The following XIRP2 variants were observed in gnomAD, a reference collection of about 807,000 sequenced individuals.
XIRP2 encodes xin actin binding repeat containing 2, also known as xin actin-binding repeat-containing protein 2.
In XIRP2, 236 loss-of-function variants were observed where a neutral mutation model predicts 277.0. The observed-to-expected ratio is 0.85, with a 90% CI of 0.77 to 0.95. XIRP2 has a LOEUF of 0.95. Ranked by LOEUF, XIRP2 falls within the 40% of genes least tolerant of loss-of-function variation. The pLI is 0.00. For synonymous variants in XIRP2, 1,490 were observed against 1,416.5 expected (o/e 1.05, Z -1.17); for missense variants, 4,640 against 4,157.5 (o/e 1.12, Z -3.19).
At chr2:167,175,266 G>A (rs2390547) in intron 3 of XIRP2, among the ~76,000 whole-genome samples, 14,995 of 152,106 alleles carry the variant, frequency 0.099, 785 homozygotes, top group South Asian at 0.15. Flanking sequence ...TTGGGTGCAT[G>A]TATATTTAGG....
At chr2:166,949,777 T>C (rs1685978887) in intron 2 of XIRP2, among the ~76,000 whole-genome samples, 2 of 152,080 alleles carry the variant, frequency 1.3e-5, no homozygotes, top group African/African-American at 2.4e-5. Context: ...CCAGAACCAA[T>C]GCATTAACAT....
At chr2:166,951,906 G>A (rs1029274371) in intron 2 of XIRP2, among the ~76,000 whole-genome samples, 6 of 152,002 alleles carry the variant, frequency 3.9e-5, no homozygotes, top group Non-Finnish European at 8.8e-5. Flanking sequence ...GAGCCTCTGC[G>A]TCTCCTATGA....
intron 2 of XIRP2, among the ~76,000 whole-genome samples, chr2:167,025,647 A>G (rs1688130522): frequency 6.6e-6 from 1 of 151,984 alleles, no homozygotes; most frequent in East Asian, 1.9e-4. Context: ...AGATTCTGGT[A>G]TGTTGTGTCT....
At chr2:167,135,868 T>A (rs771835672) in intron 2 of XIRP2, 41 bp from the exon 3 acceptor site, 43 of 1,515,496 alleles carry the variant, frequency 2.8e-5, no homozygotes, top group Non-Finnish European at 3.4e-5. Context: ...TGTTTCCTAC[T>A]GATAGCTTTT....
rs760551633 is a variant in XIRP2, at chr2:167,243,803, G to A, written c.2411G>A (p.Gly804Glu). 1.2e-6 allele frequency: 2 copies of A among 1,613,974 alleles called. No homozygotes were observed. The highest frequency in any genetic ancestry group is 1.7e-6 in the Non-Finnish European group (2 of 1,179,952). ...TCCATGGAAGAAAATGTCAAAGGTG[G>A]GGTGAGTAAGGCAAAGTGGTTATTT... ...GISMEENVKGGVSKAKWLFET... is the reference protein window; with the variant it reads ...GISMEENVKGEVSKAKWLFET... Residue 804 changes from glycine to glutamate, a missense_variant, in exon 9 of 11, where the codon GGG (glycine) becomes GAG (glutamate). Coordinates refer to ENST00000409195, the MANE Select transcript of XIRP2 (RefSeq NM_152381.6).
rs763359274 is a variant in XIRP2 at position 167,251,949 on chromosome 2, T to C, written c.10555+2T>C. On this transcript the variant is annotated splice_donor_variant, in intron 9 of 10. Coordinates refer to ENST00000409195, the MANE Select transcript of XIRP2 (RefSeq NM_152381.6). LOFTEE classifies it high-confidence loss of function. ...AAGAGGAATCTGCATTTATAAGTGG[T>C]AAATGAGCTTGCAATGTGTTAAAGA... 5.1e-5 allele frequency: 78 copies of C among 1,539,450 alleles called. No homozygotes were observed. Among genetic ancestry groups the C allele is most frequent in the Non-Finnish European group, 6.2e-5 (71 of 1,150,688 alleles).
At chr2:167,233,835 T>C (rs1694826023) in intron 5 of XIRP2, among the ~76,000 whole-genome samples, 1 of 151,808 alleles carries the variant, frequency 6.6e-6, no homozygotes, top group Non-Finnish European at 1.5e-5. Context: ...TTTGTGTCTA[T>C]GTTGGATTGA....
At chr2:167,163,137 C>T (rs1054799630) in intron 3 of XIRP2, among the ~76,000 whole-genome samples, 3 of 152,162 alleles carry the variant, frequency 2.0e-5, no homozygotes, top group Non-Finnish European at 4.4e-5. Context: ...TTGCTGTAAA[C>T]CATCTTGCAC....
chr2:167,101,633 C>T (rs532498131), intron 2 of XIRP2, among the ~76,000 whole-genome samples: 2 of 152,286 alleles, frequency 1.3e-5, no homozygotes, highest in East Asian at 3.9e-4. Context: ...ATCCAGGTTG[C>T]TGCAAGTGCC....
rs369486374 is a variant in XIRP2 at position 167,243,983 on chromosome 2, G to C, written c.2591G>C (p.Arg864Pro). The C allele has an allele frequency of 1.9e-6, 3 of 1,613,862 alleles. No homozygotes were observed. In the African/African-American group the frequency reaches 4.0e-5, roughly 22 times the overall value. Residue 864 changes from arginine to proline, a missense_variant, in exon 9 of 11, where the codon CGT (arginine) becomes CCT (proline). By Grantham distance (103) the Arg-to-Pro change is moderately radical (BLOSUM62 -2). Transcript: ENST00000409195. ...KEVPDADSLQ[R>P]EEIIGGDVQT... The stretch of plus-strand genomic sequence containing the variant: ...GTTCCTGATGCAGATTCTCTACAAC[G>C]TGAGGAGATAATAGGTGGTGATGTA...
intron 2 of XIRP2, among the ~76,000 whole-genome samples, chr2:166,942,323 G>A (rs535280562): frequency 1.1e-4 from 16 of 152,248 alleles, no homozygotes; most frequent in Admixed American, 2.0e-4. Context: ...CAAAGACATC[G>A]TAATAATATT....
intron 2 of XIRP2, among the ~76,000 whole-genome samples, chr2:167,024,843 G>T (rs201296564): frequency 6.6e-6 from 1 of 152,118 alleles, no homozygotes; most frequent in Non-Finnish European, 1.5e-5. Context: ...ATGTGCTGCT[G>T]GATTTGGTTT....
intron 1 of XIRP2, among the ~76,000 whole-genome samples, chr2:166,897,148 A>G (rs897517190): frequency 8.5e-5 from 13 of 152,222 alleles, no homozygotes; most frequent in Non-Finnish European, 4.4e-5. Context: ...TCTTTCTGAA[A>G]GACTTTTCAA....
chr2:166,958,936 G>C (rs979527539), intron 2 of XIRP2, among the ~76,000 whole-genome samples: 1 of 151,730 alleles, frequency 6.6e-6, no homozygotes, highest in African/African-American at 2.4e-5. Flanking sequence ...CCTCTTCTTT[G>C]TCACAGAAGG....
At chr2:167,257,666 C>T (rs935965378) in intron 10 of XIRP2, among the ~76,000 whole-genome samples, 191 bp from the exon 11 acceptor site, 4 of 151,954 alleles carry the variant, frequency 2.6e-5, no homozygotes, top group Non-Finnish European at 2.9e-5. Flanking sequence ...AAATTCTAAA[C>T]ACTGCAAGAC....
intron 2 of XIRP2, among the ~76,000 whole-genome samples, chr2:167,073,397 ACTTTTATTCATATAGCATCGTTGTTT>A (rs1689484036): frequency 6.6e-6 from 1 of 152,112 alleles, no homozygotes; most frequent in Non-Finnish European, 1.5e-5. Flanking sequence ...TGTTAAATAA[ACTTTTATTCATATAGCATCGTTGTTT>A]CTGTTTTGTA....
intron 2 of XIRP2, among the ~76,000 whole-genome samples, chr2:167,114,582 C>G (rs886785828): frequency 6.6e-6 from 1 of 151,966 alleles, no homozygotes; most frequent in Non-Finnish European, 1.5e-5. Flanking sequence ...TCTCCTAAAG[C>G]TATCCCTCCC....
Position 167,246,085 on chromosome 2 carries a change from A to T in XIRP2, c.4693A>T (p.Ile1565Phe). The change falls in exon 9 of 11, where the codon ATC becomes TTC. Residue 1565 changes from isoleucine to phenylalanine, a missense_variant. Physicochemically the swap from Ile to Phe is conservative, Grantham distance 21. Transcript: ENST00000409195. The part of the protein sequence containing the change: ...TLEDLYSQKV[I>F]QAPGIIIEAD... ...AGAAGATCTCTACTCTCAAAAAGTT[A>T]TCCAGGCTCCTGGAATCATCATTGA... 1 of 1,613,714 alleles carries T rather than the reference A, an allele frequency of 6.2e-7. No individual in the cohort carries two copies. Among genetic ancestry groups the T allele is most frequent in the South Asian group, 1.1e-5 (1 of 91,052 alleles).
At position 167,249,871 on chromosome 2, in the gene XIRP2, A is replaced by G. The variant is rs747299990; in HGVS notation, c.8479A>G (p.Met2827Val). The G allele has an allele frequency of 5.6e-6, 9 of 1,613,642 alleles. No homozygotes were observed. The highest frequency in any genetic ancestry group is 7.6e-6 in the Non-Finnish European group (9 of 1,179,754). ...GSEEKNQGPS[M>V]IGRKEERLIT... Reference sequence around the variant, plus strand: ...TGAAGAAAAAAATCAGGGACCATCAATGATTGGTCGAAAAGAAGAGAGATT... The same window carrying G: ...TGAAGAAAAAAATCAGGGACCATCAGTGATTGGTCGAAAAGAAGAGAGATT... The change falls in exon 9 of 11, where the codon ATG becomes GTG. Residue 2827 changes from methionine to valine, a missense_variant. By Grantham distance (21) the Met-to-Val change is conservative. Coordinates refer to ENST00000409195, the MANE Select transcript of XIRP2 (RefSeq NM_152381.6).
Sources: allele counts gnomAD v4.1 joint callset (sites outside exome capture counted in the v4.1 genomes callset), GRCh38; gene constraint gnomAD v4.1.1; transcripts MANE v1.5; gene names NCBI Gene and HGNC (gene_info 2026-07-23, HGNC 2026-07-21).